Variants in BABAM2 observed in about 807,000 individuals in gnomAD.
BABAM2 encodes the protein BRISC and BRCA1-A complex member 2.
A neutral mutation model predicts 54.7 loss-of-function variants in BABAM2; 31 were observed. The ratio of observed to expected loss-of-function variants is 0.57; its 90% CI spans 0.43 to 0.77. BABAM2 has a LOEUF of 0.77. BABAM2 is among the 30% of genes least tolerant of loss of function. BABAM2 has a pLI of 0.00. For missense variants in BABAM2, 364 were observed against 455.8 expected (o/e 0.80, Z 1.83); for synonymous variants, 167 against 162.9 (o/e 1.03, Z -0.19).
intron 7 of BABAM2, 29 bp downstream of exon 7, chr2:28,129,409 G>A (rs1253141435): frequency 1.9e-6 from 3 of 1,541,880 alleles, no homozygotes; most frequent in Admixed American, 1.7e-5. Flanking sequence ...AGGTAGCCTG[G>A]TGCTACTTCT....
At chr2:28,101,344 G>C (rs1419416409) in intron 6 of BABAM2, among the ~76,000 whole-genome samples, 1 of 152,162 alleles carries the variant, frequency 6.6e-6, no homozygotes, top group Non-Finnish European at 1.5e-5. Flanking sequence ...CTATGACAGA[G>C]TTTGTCTTTT....
chr2:27,966,103 T>A (rs904733611), intron 3 of BABAM2, among the ~76,000 whole-genome samples: 1 of 152,202 alleles, frequency 6.6e-6, no homozygotes, highest in Non-Finnish European at 1.5e-5. Flanking sequence ...GCAAAGACTA[T>A]CTCACAGGTA....
At chr2:28,133,646 T>A (rs971916862) in intron 7 of BABAM2, among the ~76,000 whole-genome samples, 1 of 152,190 alleles carries the variant, frequency 6.6e-6, no homozygotes, top group Non-Finnish European at 1.5e-5. Flanking sequence ...GTCTGACTGT[T>A]CCTCTGTCCC....
At chr2:27,930,187 C>T in intron 3 of BABAM2, 1 of 315,130 alleles carries the variant, frequency 3.2e-6, no homozygotes, top group East Asian at 7.1e-5. Flanking sequence ...GCGGCTTTTA[C>T]GTAATACTCA....
intron 6 of BABAM2, among the ~76,000 whole-genome samples, chr2:28,112,093 C>CTTTCTTTCTTTCT (rs1668081453): frequency 1.5e-4 from 1 of 6,798 alleles, no homozygotes; most frequent in Non-Finnish European, 3.3e-4. Context: ...CTCTTTCTTT[C>CTTTCTTTCTTTCT]TTTCTTTCTT....
intron 7 of BABAM2, among the ~76,000 whole-genome samples, chr2:28,167,682 A>T (rs889395543): frequency 1.4e-5 from 2 of 146,882 alleles, no homozygotes; most frequent in African/African-American, 5.1e-5. Flanking sequence ...CGACAGAGCG[A>T]GACTCCATCT....
chr2:28,335,720 G>C (rs973572124), intron 11 of BABAM2, among the ~76,000 whole-genome samples: 3 of 152,204 alleles, frequency 2.0e-5, no homozygotes, highest in Non-Finnish European at 2.9e-5. Context: ...CTGGGGACCA[G>C]GGGAGACTTG....
intron 6 of BABAM2, among the ~76,000 whole-genome samples, chr2:28,086,362 T>A (rs1440316235): frequency 6.6e-6 from 1 of 152,226 alleles, no homozygotes; most frequent in Non-Finnish European, 1.5e-5. Context: ...TAATTAATTT[T>A]ATTTTATTAC....
chr2:27,892,912 C>T (rs1003695720), intron 1 of BABAM2, among the ~76,000 whole-genome samples: 7 of 152,036 alleles, frequency 4.6e-5, no homozygotes, highest in Non-Finnish European at 8.8e-5. Context: ...GTGTTAATCT[C>T]GAAGATACTT....
rs556458262 is a variant in BABAM2, at chr2:28,187,327, T to C, written c.681-49875T>C. ...CTTGAGGGCAGGAGCCATGTTGGTT[T>C]GGGTAGCACTATAGTGGCTTGCACA... On this transcript the variant is annotated intron_variant, in intron 7 of 11. Coordinates refer to ENST00000379624, the MANE Select transcript of BABAM2 (RefSeq NM_199191.3). Among the ~76,000 whole-genome samples the C allele has an allele frequency of 8.5e-5, 13 of 152,272 alleles. No individual in the cohort carries two copies. In the South Asian group the frequency reaches 2.5e-3, roughly 29 times the overall value.
At chr2:28,011,159 G>A (rs1237887862) in intron 4 of BABAM2, among the ~76,000 whole-genome samples, 1 of 152,120 alleles carries the variant, frequency 6.6e-6, no homozygotes, top group African/African-American at 2.4e-5. Context: ...CAGCAAGAGG[G>A]GAATGGATGT....
intron 9 of BABAM2, 55 bp from the exon 10 acceptor site, chr2:28,244,725 A>G (rs1682758193): frequency 1.3e-6 from 2 of 1,490,140 alleles, no homozygotes; most frequent in African/African-American, 1.4e-5. Context: ...TTGCTTTTAT[A>G]CCTTAATTTT....
chr2:28,008,588 A>T (rs1200404517), intron 4 of BABAM2, among the ~76,000 whole-genome samples: 1 of 152,186 alleles, frequency 6.6e-6, no homozygotes, highest in Non-Finnish European at 1.5e-5. Flanking sequence ...ATGCTCCGTA[A>T]TTCCTTAATC....
intron 3 of BABAM2, among the ~76,000 whole-genome samples, chr2:27,976,664 A>T (rs985702121): frequency 6.6e-6 from 1 of 152,212 alleles, no homozygotes; most frequent in Non-Finnish European, 1.5e-5. Flanking sequence ...TGCATGTTAT[A>T]CAACTCTTAT....
intron 5 of BABAM2, among the ~76,000 whole-genome samples, chr2:28,028,288 A>C (rs1201277691): frequency 6.6e-6 from 1 of 152,058 alleles, no homozygotes; most frequent in Middle Eastern, 3.2e-3. Flanking sequence ...TGTGTGAGCA[A>C]GATAGAAGTC....
intron 11 of BABAM2, among the ~76,000 whole-genome samples, chr2:28,326,957 T>C (rs1690518145): frequency 6.6e-6 from 1 of 152,220 alleles, no homozygotes; most frequent in Non-Finnish European, 1.5e-5. Context: ...CATTCTAAAG[T>C]ATATCTTAAG....
chr2:28,127,927 G>A (rs888878152), intron 6 of BABAM2, among the ~76,000 whole-genome samples: 1 of 151,298 alleles, frequency 6.6e-6, no homozygotes, highest in Admixed American at 6.6e-5. Flanking sequence ...CTGCCTCAGC[G>A]TCCCAAGCAG....
intron 7 of BABAM2, among the ~76,000 whole-genome samples, chr2:28,208,446 T>C (rs921783295): frequency 6.6e-6 from 1 of 152,230 alleles, no homozygotes; most frequent in African/African-American, 2.4e-5. Context: ...CAACTTAGAA[T>C]CAGAACCCAG....
intron 7 of BABAM2, among the ~76,000 whole-genome samples, chr2:28,179,054 A>G (rs1198445342): frequency 1.3e-5 from 2 of 152,142 alleles, no homozygotes; most frequent in East Asian, 3.8e-4. Flanking sequence ...AATTCTACCA[A>G]ACTTATAAAG....
Sources: allele counts gnomAD v4.1 joint callset (sites outside exome capture counted in the v4.1 genomes callset), GRCh38; gene constraint gnomAD v4.1.1; transcripts MANE v1.5; gene names NCBI Gene and HGNC (gene_info 2026-07-23, HGNC 2026-07-21).